Variants in AGXT observed in about 807,000 individuals in gnomAD.
The protein encoded by AGXT is alanine--glyoxylate aminotransferase.
Under a neutral mutation model 46.9 loss-of-function variants are expected in AGXT, and 41 were observed. The ratio of observed to expected loss-of-function variants is 0.88; its 90% CI spans 0.68 to 1.14. The LOEUF (loss-of-function observed/expected upper bound fraction) is 1.14, where lower values mean the gene tolerates loss of function less well. Among genes scored for constraint, AGXT ranks in the 50% most tolerant of loss-of-function variants. AGXT has a pLI of 0.00. For synonymous variants in AGXT, 244 were observed against 227.9 expected, an observed-to-expected ratio of 1.07 and a Z score of -0.64; for missense variants, 525 against 522.7, an observed-to-expected ratio of 1.00 and a Z score of -0.04.
In AGXT at chr2:240,874,042, C is replaced by T. The variant is rs780078312; in HGVS notation, c.660C>T (p.Ile220=). The stretch of plus-strand genomic sequence containing the variant: ...ACGCCCCTCCAGGGACCTCGCTCAT[C>T]TCCTTCAGTGACAAGGCCAAGTGAG... ...ALNAPPGTSL[I]SFSDKAKKKM... is the part of the protein sequence containing the mutation. Residue 220 remains isoleucine (I), a synonymous_variant, in exon 6 of 11, where the codon ATC becomes ATT. Transcript: ENST00000307503. 2.5e-5 allele frequency: 41 copies of T among 1,613,578 alleles called. 1 individual carries two copies. The Admixed American group carries it at 6.7e-4, about 26-fold the overall frequency.
chr2:240,870,561 C>G, intron 2 of AGXT, 83 bp from the exon 3 acceptor site: 1 of 1,508,980 alleles, frequency 6.6e-7, no homozygotes. Context: ...TCACAGGGCC[C>G]TGCTCAGCAG....
At position 240,868,898 on chromosome 2, in the gene AGXT, CA is replaced by C; in HGVS notation, c.35del (p.Lys12ArgfsTer34). ...ASHKLLVTPP[K>X]ALLKPLSIPN... ...CTCACAAGCTGCTGGTGACCCCCCC[CA>C]AGGCCCTGCTCAAGCCCCTCTCCAT... On this transcript the variant is annotated frameshift_variant, in exon 1 of 11. Coordinates refer to ENST00000307503, the MANE Select transcript of AGXT (RefSeq NM_000030.3). LOFTEE classifies it high-confidence loss of function. The C allele has an allele frequency of 6.2e-7, 1 of 1,613,130 alleles. No individual in the cohort carries two copies. The highest frequency in any genetic ancestry group is 2.2e-5 in the East Asian group (1 of 44,868).
At chr2:240,870,323 G>GC (rs1041653070) in intron 2 of AGXT, among the ~76,000 whole-genome samples, 7 of 152,168 alleles carry the variant, frequency 4.6e-5, no homozygotes, top group Non-Finnish European at 8.8e-5. Flanking sequence ...GCCAGGTGCA[G>GC]CCCTGACTCC....
In AGXT at chr2:240,880,466, T is replaced by C. The variant is rs2059055463; in HGVS notation, c.*1645T>C. ...GATTTTTATCTTCTTATTGTCAATG[T>C]GTGATCATTTTAAAATATATTCTAG... On this transcript the variant is annotated 3_prime_UTR_variant, in exon 11 of 11. Transcript: ENST00000307503. The C allele has an allele frequency of 6.6e-6, 1 of 152,114 alleles. No homozygotes were observed. The highest frequency in any genetic ancestry group is 2.4e-5 in the African/African-American group (1 of 41,424). The allele number at this position is 152,114 out of a possible 1,614,324, so 9.4% of individuals were successfully genotyped here. A position where few individuals can be genotyped will look rare whatever the true frequency, so the allele number is the denominator to read the frequency against.
intron 7 of AGXT, among the ~76,000 whole-genome samples, chr2:240,875,444 A>G (rs1041562728): frequency 6.6e-6 from 1 of 152,042 alleles, no homozygotes; most frequent in African/African-American, 2.4e-5. Context: ...GCTTCCACAA[A>G]CACTGTCCCC....
chr2:240,877,960 A>T lies in AGXT; in HGVS notation c.943-62A>T, dbSNP rs2059036671. 4 of 1,596,662 alleles carry T rather than the reference A, an allele frequency of 2.5e-6. No individual in the cohort carries two copies. In the South Asian group the frequency reaches 3.3e-5, roughly 13 times the overall value. On this transcript the variant is annotated intron_variant, in intron 9 of 10. Transcript: ENST00000307503. ...GCTGGGGCAGATGGTGCAGGCCAAG[A>T]GCTGTCACAAAGGCCCGTACAGGGC...
At position 240,878,623 on chromosome 2, in the gene AGXT, G is replaced by A. The variant is rs180177159; in HGVS notation, c.1072-91G>A. 2 of 1,264,330 alleles carry A rather than the reference G, an allele frequency of 1.6e-6. No homozygotes were observed. The highest frequency in any genetic ancestry group is 4.0e-5 in the Admixed American group (2 of 50,334). 78.3% of individuals were successfully genotyped at this position (1,264,330 alleles called of 1,614,324 possible). A position where few individuals can be genotyped will look rare whatever the true frequency, so the allele number is the denominator to read the frequency against. On this transcript the variant is annotated intron_variant, in intron 10 of 10. Coordinates refer to ENST00000307503, the MANE Select transcript of AGXT (RefSeq NM_000030.3). Reference sequence around the variant, plus strand: ...ACGCTGGGTGGGTGGTCCTCACTCAGGTGAGCCCATCCTGGCTCTGGCCAG... The same window carrying A: ...ACGCTGGGTGGGTGGTCCTCACTCAAGTGAGCCCATCCTGGCTCTGGCCAG...
chr2:240,870,537 G>A (rs1442936641), intron 2 of AGXT, 107 bp from the exon 3 acceptor site: 3 of 1,343,412 alleles, frequency 2.2e-6, no homozygotes, highest in African/African-American at 1.5e-5. Flanking sequence ...GCCACGGTGG[G>A]TGGGGTCCAG....
chr2:240,876,175 G>A (rs2059023939), intron 8 of AGXT, among the ~76,000 whole-genome samples, 171 bp downstream of exon 8: 1 of 152,176 alleles, frequency 6.6e-6, no homozygotes, highest in African/African-American at 2.4e-5. Flanking sequence ...CACTGGCTGC[G>A]GGCAGGGCCA....
Position 240,876,002 on chromosome 2 carries a change from C to A in AGXT, c.844C>A (p.Gln282Lys), listed in dbSNP as rs180177279. Residue 282 changes from glutamine to lysine, a missense_variant and splice_region_variant, in exon 8 of 11, where the codon CAG (glutamine) becomes AAG (lysine). Gln to Lys is a moderately conservative substitution (Grantham distance 53). Coordinates refer to ENST00000307503, the MANE Select transcript of AGXT (RefSeq NM_000030.3). ...AGAGAGCCTGGCCCTCATTGCGGAA[C>A]AGGTGCATGGGCTGCACTCCACAGG... ...LRESLALIAE[Q>K]GLENSWRQHR... is the part of the protein sequence containing the mutation. 6 of 1,614,112 alleles carry A rather than the reference C, an allele frequency of 3.7e-6. No individual in the cohort carries two copies. The South Asian group carries it at 5.5e-5, about 15-fold the overall frequency.
At chr2:240,875,895 C>A in intron 7 of AGXT, 40 bp from the exon 8 acceptor site, 1 of 1,608,610 alleles carries the variant, frequency 6.2e-7, no homozygotes, top group Non-Finnish European at 8.5e-7. Flanking sequence ...GCCCCCAACC[C>A]TGCCCATGGT....
intron 9 of AGXT, 100 bp from the exon 10 acceptor site, chr2:240,877,922 T>TCTGGAA: frequency 1.3e-6 from 2 of 1,538,730 alleles, no homozygotes; most frequent in Non-Finnish European, 1.8e-6. Flanking sequence ...CCCCGGCTCC[T>TCTGGAA]CTGGAACCTG....
At chr2:240,874,321 G>A (rs2059010798) in intron 6 of AGXT, among the ~76,000 whole-genome samples, 1 of 152,250 alleles carries the variant, frequency 6.6e-6, no homozygotes, top group Non-Finnish European at 1.5e-5. Context: ...ACAGCAAGGA[G>A]TGACCAGGAA....
At position 240,879,069 on chromosome 2, in the gene AGXT, G is replaced by A. The variant is rs2059043740; in HGVS notation, c.*248G>A. 5.1e-6 allele frequency: 3 copies of A among 588,830 alleles called. No homozygotes were observed. In the South Asian group the frequency reaches 5.9e-5, roughly 12 times the overall value. The allele number at this position is 588,830 out of a possible 1,614,324, so 36.5% of individuals were successfully genotyped here. A position where few individuals can be genotyped will look rare whatever the true frequency, so the allele number is the denominator to read the frequency against. The stretch of plus-strand genomic sequence containing the variant: ...CTTCCAAATGAGCTGCAGTCCCCAG[G>A]CCATGAGCCTCCCGGGAATGTTTAA... On this transcript the variant is annotated 3_prime_UTR_variant, in exon 11 of 11. Transcript: ENST00000307503.
intron 4 of AGXT, among the ~76,000 whole-genome samples, chr2:240,872,702 C>G (rs374333150): frequency 6.6e-6 from 1 of 152,066 alleles, no homozygotes; most frequent in Non-Finnish European, 1.5e-5. Flanking sequence ...GCACCACTGC[C>G]GGGCCCTGCA....
intron 4 of AGXT, 103 bp downstream of exon 4, chr2:240,871,552 C>A: frequency 9.2e-7 from 1 of 1,086,712 alleles, no homozygotes; most frequent in Non-Finnish European, 1.4e-6. Context: ...TGGTCCCCAC[C>A]CCAGCCTCTG....
intron 9 of AGXT, 57 bp from the exon 10 acceptor site, chr2:240,877,965 T>C (rs2059036725): frequency 1.3e-6 from 2 of 1,599,372 alleles, no homozygotes; most frequent in South Asian, 2.2e-5. Flanking sequence ...CCAAGAGCTG[T>C]CACAAAGGCC....
intron 10 of AGXT, 66 bp downstream of exon 10, chr2:240,878,216 T>G: frequency 1.3e-6 from 2 of 1,599,652 alleles, no homozygotes. Flanking sequence ...TGAGCAGGAC[T>G]GTGCACCAGG....
chr2:240,875,923 C>G lies in AGXT; in HGVS notation c.777-12C>G, dbSNP rs199644955. ...CCCATGGTGCTGGACCAAGCCCCCT[C>G]GTGTCTTCCAGGTACCATCACACAA... On this transcript the variant is annotated splice_polypyrimidine_tract_variant and intron_variant, in intron 7 of 10. Transcript: ENST00000307503. 6.2e-7 allele frequency: 1 copy of G among 1,614,026 alleles called. No homozygotes were observed. Among genetic ancestry groups the G allele is most frequent in the Non-Finnish European group, 8.5e-7 (1 of 1,179,984 alleles).
Sources: gnomAD v4.1 joint callset for allele counts (sites outside exome capture counted in the v4.1 genomes callset) on GRCh38, gnomAD v4.1.1 for gene constraint, MANE v1.5 for transcripts, NCBI Gene and HGNC (gene_info 2026-07-23, HGNC 2026-07-21) for gene names.